PRSS22: variants seen among roughly 807,000 people sequenced by gnomAD.
PRSS22 encodes the protein serine protease 22.
PRSS22 carries 26 observed loss-of-function variants against 28.0 expected under a neutral mutation model. The ratio of observed to expected loss-of-function variants is 0.93; its 90% CI spans 0.68 to 1.29. The LOEUF is 1.29. PRSS22 is among the 50% of genes most tolerant of loss of function. The probability of loss-of-function intolerance (pLI) is 0.00; values close to 1 mark genes in which losing one functional copy is unlikely to be tolerated. For synonymous variants in PRSS22, 217 were observed against 177.9 expected (o/e 1.22, Z -1.75); for missense variants, 444 against 422.1 (o/e 1.05, Z -0.46).
At chr16:2,857,053 C>A (rs1567291444) in intron 1 of PRSS22, 6 of 618,496 alleles carry the variant, frequency 9.7e-6, no homozygotes, top group Non-Finnish European at 1.4e-5. Context: ...GAGGAGGGTC[C>A]CTCAGCGCCC....
chr16:2,855,347 C>CAAAAAAAAAAAAAAAAAAAAAAAAA lies in PRSS22; in HGVS notation c.559+226_559+227insTTTTTTTTTTTTTTTTTTTTTTTTT, dbSNP rs33950878. 4.3e-5 allele frequency among the ~76,000 whole-genome samples: 3 copies of CAAAAAAAAAAAAAAAAAAAAAAAAA among 69,028 alleles called. 1 individual carries two copies. The highest frequency in any genetic ancestry group is 7.8e-5 in the Non-Finnish European group (3 of 38,474). The allele number at this position is 69,028 out of a possible 152,430, so 45.3% of individuals were successfully genotyped here. ...TGGGTGACAGAGTAACACCCTGTCT[C>CAAAAAAAAAAAAAAAAAAAAAAAAA]AAAAAAAAAAAAAAAAAAAAGAAGA... On this transcript the variant is annotated intron_variant, in intron 4 of 5. Coordinates refer to ENST00000161006, the MANE Select transcript of PRSS22 (RefSeq NM_022119.4).
Position 2,855,639 on chromosome 16 carries a change from G to C in PRSS22, c.494C>G (p.Ala165Gly). 6.2e-7 allele frequency: 1 copy of C among 1,614,154 alleles called. No individual in the cohort carries two copies. The highest frequency in any genetic ancestry group is 1.1e-5 in the South Asian group (1 of 91,084). ...GGTGTTTGGAGGGAGGTGGATAGAG[G>C]CATCAGGTAGGCAGATGGGCAGGAC... is the stretch of plus-strand genomic sequence containing the variant. ...ERVLPICLPD[A>G]SIHLPPNTHC... The change falls in exon 4 of 6, where the codon GCC (alanine) becomes GGC (glycine). Residue 165 changes from alanine (A) to glycine (G), a missense_variant. By Grantham distance (60) the Ala-to-Gly change is moderately conservative (BLOSUM62 0). Transcript: ENST00000161006.
At chr16:2,854,055 G>T (rs749295856) in intron 4 of PRSS22, 33 bp from the exon 5 acceptor site, 1 of 1,613,204 alleles carries the variant, frequency 6.2e-7, no homozygotes, top group Admixed American at 1.7e-5. Context: ...CAGGTTTGGG[G>T]GTCTCCCCTC....
At position 2,853,862 on chromosome 16, in the gene PRSS22, C is replaced by T. The variant is rs2069429757; in HGVS notation, c.717+3G>A. 6.2e-7 allele frequency: 1 copy of T among 1,613,688 alleles called. No homozygotes were observed. The highest frequency in any genetic ancestry group is 1.7e-5 in the Admixed American group (1 of 60,002). On this transcript the variant is annotated splice_donor_region_variant and intron_variant, in intron 5 of 5. Transcript: ENST00000161006. The surrounding 1 kb of genome is among the most constrained non-coding windows in gnomAD (Gnocchi z 4.6). ...CAGGGGTGGGGGGCTCGAGGGAGCTCACCAGACAAGCATCCCGCTCCCCCT... is the reference window on the plus strand; with the variant it reads ...CAGGGGTGGGGGGCTCGAGGGAGCTTACCAGACAAGCATCCCGCTCCCCCT...
intron 3 of PRSS22, 40 bp downstream of exon 3, chr16:2,856,042 G>T (rs1407390391): frequency 1.2e-6 from 2 of 1,603,956 alleles, no homozygotes. Flanking sequence ...CAAAGCCCAG[G>T]GCCTTAGAAG....
In PRSS22 at chr16:2,858,109, G is replaced by T. The variant is rs2069480732; in HGVS notation, c.-5C>A. 2.4e-6 allele frequency: 3 copies of T among 1,261,418 alleles called. No individual in the cohort carries two copies. The highest frequency in any genetic ancestry group is 3.0e-6 in the Non-Finnish European group (3 of 995,782). The allele number at this position is 1,261,418 out of a possible 1,614,324, so 78.1% of individuals were successfully genotyped here. A position where few individuals can be genotyped will look rare whatever the true frequency, so the allele number is the denominator to read the frequency against. On this transcript the variant is annotated 5_prime_UTR_variant, in exon 1 of 6. Transcript: ENST00000161006. ...GGGCGCTCCAGAAACCACCATGGCT[G>T]GTGGGGCGGGGGAGCAGGCAGCAGG...
intron 3 of PRSS22, 98 bp downstream of exon 3, chr16:2,855,984 C>A: frequency 6.6e-7 from 1 of 1,525,642 alleles, no homozygotes; most frequent in South Asian, 1.2e-5. Flanking sequence ...CAAGATTGAA[C>A]AGAGGCCCGG....
In PRSS22 at chr16:2,853,173, C is replaced by T. The variant is rs764305947; in HGVS notation, c.874G>A (p.Val292Met). The T allele has an allele frequency of 2.2e-5, 35 of 1,599,282 alleles. No homozygotes were observed. The Admixed American group carries it at 5.0e-4, about 23-fold the overall frequency. The change falls in exon 6 of 6, where the codon GTG becomes ATG. Residue 292 changes from valine (V) to methionine (M), a missense_variant. Coordinates refer to ENST00000161006, the MANE Select transcript of PRSS22 (RefSeq NM_022119.4). This position sits in a 1 kb window ranked among gnomAD's most constrained non-coding sequence, Gnocchi z 4.6. ...CCCTGAGCGCGCCCGCGGAGCTGCA[C>T]CCCTTGCACGATCTTCTCCACCCAG... ...RSWVEKIVQG[V>M]QLRGRAQGGG...
chr16:2,853,754 G>C lies in PRSS22; in HGVS notation c.717+111C>G, dbSNP rs1000508984. On this transcript the variant is annotated intron_variant, in intron 5 of 5. Coordinates refer to ENST00000161006, the MANE Select transcript of PRSS22 (RefSeq NM_022119.4). The surrounding 1 kb of genome is among the most constrained non-coding windows in gnomAD (Gnocchi z 4.6). ...GACCCGGGACTGTCAGGCACAGCCA[G>C]TTCTGGGGAGGAGGCCAGGGAGAGG... The C allele has an allele frequency of 3.2e-6, 4 of 1,268,078 alleles. No homozygotes were observed. The highest frequency in any genetic ancestry group is 2.2e-6 in the Non-Finnish European group (2 of 917,314). The allele number at this position is 1,268,078 out of a possible 1,614,324, so 78.6% of individuals were successfully genotyped here.
At chr16:2,854,984 T>C (rs1596325775) in intron 4 of PRSS22, among the ~76,000 whole-genome samples, 1 of 152,268 alleles carries the variant, frequency 6.6e-6, no homozygotes, top group Admixed American at 6.5e-5. Flanking sequence ...CTTTCAGCCA[T>C]TCCTGTATTG....
chr16:2,856,880 G>A, intron 1 of PRSS22, 32 bp from the exon 2 acceptor site: 6 of 1,550,970 alleles, frequency 3.9e-6, no homozygotes, highest in Non-Finnish European at 4.4e-6. Context: ...GGTTAGGCCG[G>A]TGAGGGGCCC....
intron 4 of PRSS22, among the ~76,000 whole-genome samples, chr16:2,855,339 C>A (rs1413957538): frequency 3.1e-4 from 21 of 68,124 alleles, no homozygotes; most frequent in African/African-American, 1.3e-3. Context: ...CAGAGTAACA[C>A]CCTGTCTCAA....
In PRSS22 at chr16:2,853,945, A is replaced by T. The variant is rs369366864; in HGVS notation, c.637T>A (p.Trp213Arg). The change falls in exon 5 of 6, where the codon TGG becomes AGG. Residue 213 changes from tryptophan (W) to arginine (R), a missense_variant. Physicochemically the swap from Trp to Arg is moderately radical, Grantham distance 101. Coordinates refer to ENST00000161006, the MANE Select transcript of PRSS22 (RefSeq NM_022119.4). This position sits in a 1 kb window ranked among gnomAD's most constrained non-coding sequence, Gnocchi z 4.6. ...IDSEVCSHLY[W>R]RGAGQGPITE... ...ATGGGTCCCTGTCCTGCTCCCCGCC[A>T]GTACAGATGGCTGCAGACTTCCGAG... 6.2e-7 allele frequency: 1 copy of T among 1,614,202 alleles called. No individual in the cohort carries two copies. The highest frequency in any genetic ancestry group is 1.1e-5 in the South Asian group (1 of 91,082).
chr16:2,853,272 T>C lies in PRSS22; in HGVS notation c.775A>G (p.Ile259Val). ...GCACAGCCCTCGCCCCAGCTGATGA[T>C]GCCGGCCAGCAGCCAGGCGCCGTCC... ...QVDGAWLLAG[I>V]ISWGEGCAER... The change falls in exon 6 of 6, where the codon ATC (isoleucine) becomes GTC (valine). Residue 259 changes from isoleucine to valine, a missense_variant. Physicochemically the swap from Ile to Val is conservative, Grantham distance 29. Coordinates refer to ENST00000161006, the MANE Select transcript of PRSS22 (RefSeq NM_022119.4). This position sits in a 1 kb window ranked among gnomAD's most constrained non-coding sequence, Gnocchi z 4.6. The C allele has an allele frequency of 1.2e-6, 2 of 1,600,428 alleles. No individual in the cohort carries two copies. Among genetic ancestry groups the C allele is most frequent in the African/African-American group, 2.7e-5 (2 of 75,002 alleles).
In PRSS22 at chr16:2,853,066, G is replaced by GC. The variant is rs2069419568; in HGVS notation, c.*26_*27insG. 7.5e-6 allele frequency: 11 copies of GC among 1,466,192 alleles called. No individual in the cohort carries two copies. The highest frequency in any genetic ancestry group is 9.2e-6 in the Non-Finnish European group (10 of 1,088,262). The allele number at this position is 1,466,192 out of a possible 1,614,324, so 90.8% of individuals were successfully genotyped here. ...CAGATGTGGATCTGGCCGCCTTTCAGATCCGAGCCCCGCGTCCCGCTGCGC... is the reference window on the plus strand; with the variant it reads ...CAGATGTGGATCTGGCCGCCTTTCAGCATCCGAGCCCCGCGTCCCGCTGCGC... On this transcript the variant is annotated 3_prime_UTR_variant, in exon 6 of 6. Transcript: ENST00000161006. The surrounding 1 kb of genome is among the most constrained non-coding windows in gnomAD (Gnocchi z 4.6).
rs188850412 is a variant in PRSS22, at chr16:2,856,203, C to T, written c.160G>A (p.Glu54Lys). The T allele has an allele frequency of 1.5e-5, 25 of 1,613,736 alleles. No individual in the cohort carries two copies. The Admixed American group carries it at 1.8e-4, about 12-fold the overall frequency. Residue 54 changes from glutamate to lysine, a missense_variant, in exon 3 of 6, where the codon GAG becomes AAG. By Grantham distance (56) the Glu-to-Lys change is moderately conservative. Coordinates refer to ENST00000161006, the MANE Select transcript of PRSS22 (RefSeq NM_022119.4). ...GGCCACTCGCTGTCAGTGCTGTCCT[C>T]GCCGCCCACAACCCGGTTCAGCTGC... The part of the protein sequence containing the change: ...PQQLNRVVGG[E>K]DSTDSEWPWI...
intron 4 of PRSS22, among the ~76,000 whole-genome samples, chr16:2,855,306 C>T (rs1290616868): frequency 7.0e-6 from 1 of 143,030 alleles, no homozygotes; most frequent in Non-Finnish European, 1.5e-5. Flanking sequence ...TAGGATCACA[C>T]CACTGCACTC....
Position 2,853,880 on chromosome 16 carries a change from C to T in PRSS22, c.702G>A (p.Glu234=). 6.2e-7 allele frequency: 1 copy of T among 1,614,050 alleles called. No individual in the cohort carries two copies. The highest frequency in any genetic ancestry group is 8.5e-7 in the Non-Finnish European group (1 of 1,180,006). The change falls in exon 5 of 6, where the codon GAG becomes GAA. Residue 234 remains glutamate (E), a synonymous_variant. Coordinates refer to ENST00000161006, the MANE Select transcript of PRSS22 (RefSeq NM_022119.4). The surrounding 1 kb of genome is among the most constrained non-coding windows in gnomAD (Gnocchi z 4.6). The stretch of plus-strand genomic sequence containing the variant: ...GGGAGCTCACCAGACAAGCATCCCG[C>T]TCCCCCTCCAAGTAGCCGGCACACA... The part of the protein sequence containing the change: ...DMLCAGYLEG[E]RDACLGDSGG...
chr16:2,858,164 G>C lies in PRSS22; in HGVS notation c.-60C>G. ...AGAGACCCAGGGCGATGCGGGTCAG[G>C]GTGTGTAGGTTCCCTGCAGGTCGCC... is the stretch of plus-strand genomic sequence containing the variant. On this transcript the variant is annotated 5_prime_UTR_variant, in exon 1 of 6. Coordinates refer to ENST00000161006, the MANE Select transcript of PRSS22 (RefSeq NM_022119.4). 8.0e-7 allele frequency: 1 copy of C among 1,243,542 alleles called. No homozygotes were observed. The highest frequency in any genetic ancestry group is 1.5e-5 in the African/African-American group (1 of 64,592). 77.0% of individuals were successfully genotyped at this position (1,243,542 alleles called of 1,614,324 possible). A position where few individuals can be genotyped will look rare whatever the true frequency, so the allele number is the denominator to read the frequency against.
Sources: allele counts gnomAD v4.1 joint callset (sites outside exome capture counted in the v4.1 genomes callset), GRCh38; gene constraint gnomAD v4.1.1; non-coding constraint Gnocchi (gnomAD v3.1); transcripts MANE v1.5; gene names NCBI Gene and HGNC (gene_info 2026-07-23, HGNC 2026-07-21).